PLAC1: variants seen among roughly 807,000 people sequenced by gnomAD.
The protein encoded by PLAC1 is placenta-specific protein 1.
For missense variants in PLAC1, 136 were observed against 163.2 expected (o/e 0.83, Z 0.91); for synonymous variants, 68 against 62.1 (o/e 1.09, Z -0.44).
intron 1 of PLAC1, among the ~76,000 whole-genome samples, chrX:134,649,041 G>T (rs2078348744): frequency 9.0e-6 from 1 of 111,318 alleles, no homozygotes; most frequent in South Asian, 3.8e-4. Context: ...GGCCAAGGTA[G>T]GTGGATCATG....
At chrX:134,753,807 A>G (rs1389627213) in intron 1 of PLAC1, among the ~76,000 whole-genome samples, 2 of 111,246 alleles carry the variant, frequency 1.8e-5, no homozygotes, top group Admixed American at 1.9e-4. Context: ...GTGTTGAATC[A>G]CACTCAGATC....
intron 1 of PLAC1, among the ~76,000 whole-genome samples, chrX:134,741,614 T>C (rs1177026225): frequency 3.7e-5 from 4 of 109,340 alleles, no homozygotes; most frequent in African/African-American, 1.3e-4. Context: ...CCCACCTTAT[T>C]TGGCAATTTT....
At chrX:134,616,016 A>G (rs1201939448) in intron 1 of PLAC1, among the ~76,000 whole-genome samples, 1 of 110,639 alleles carries the variant, frequency 9.0e-6, no homozygotes, top group African/African-American at 3.3e-5. Flanking sequence ...GGTCTTGCTC[A>G]TCACTCAGGC....
intron 1 of PLAC1, among the ~76,000 whole-genome samples, chrX:134,653,040 GTAA>G (rs2078371735): frequency 8.9e-6 from 1 of 112,527 alleles, no homozygotes; most frequent in South Asian, 3.7e-4. Context: ...CACAGTCATG[GTAA>G]TAATAGTGGT....
intron 2 of PLAC1, among the ~76,000 whole-genome samples, chrX:134,680,258 A>G (rs1346758270): frequency 8.9e-6 from 1 of 111,836 alleles, no homozygotes; most frequent in African/African-American, 3.3e-5. Context: ...TCCCTTTTAC[A>G]GATGAGGAAA....
At chrX:134,651,080 GA>G in intron 1 of PLAC1, 2 of 285,263 alleles carry the variant, frequency 7.0e-6, no homozygotes, top group Admixed American at 3.3e-5. Context: ...GTGAATTGGA[GA>G]AAAAGTTCAG....
intron 2 of PLAC1, among the ~76,000 whole-genome samples, chrX:134,671,614 A>C (rs1260214801): frequency 9.2e-6 from 1 of 108,714 alleles, no homozygotes; most frequent in African/African-American, 3.4e-5. Flanking sequence ...AGAGAGAGAG[A>C]GCAACAGGGA....
At chrX:134,755,375 G>A (rs949715123) in intron 1 of PLAC1, among the ~76,000 whole-genome samples, 3 of 112,497 alleles carry the variant, frequency 2.7e-5, no homozygotes, top group African/African-American at 6.5e-5. Flanking sequence ...TACTTTGTGC[G>A]TGGAGCTGGG....
chrX:134,727,928 GA>G (rs2078678953), intron 2 of PLAC1, among the ~76,000 whole-genome samples: 1 of 111,802 alleles, frequency 8.9e-6, no homozygotes, highest in Non-Finnish European at 1.9e-5. Flanking sequence ...TCAATAAACA[GA>G]AAATATAAAT....
At chrX:134,752,585 A>G (rs2078747340) in intron 1 of PLAC1, among the ~76,000 whole-genome samples, 1 of 111,803 alleles carries the variant, frequency 8.9e-6, no homozygotes, top group South Asian at 3.8e-4. Flanking sequence ...GAAAGCTAAG[A>G]AAGTGGGTAG....
intron 2 of PLAC1, among the ~76,000 whole-genome samples, chrX:134,673,683 T>C (rs988963592): frequency 9.0e-6 from 1 of 111,336 alleles, no homozygotes; most frequent in Non-Finnish European, 1.9e-5. Context: ...TGATAGTGAG[T>C]GTCAAACACT....
chrX:134,588,104 C>G (rs1324539748), intron 2 of PLAC1, among the ~76,000 whole-genome samples: 1 of 110,919 alleles, frequency 9.0e-6, no homozygotes, highest in Non-Finnish European at 1.9e-5. Flanking sequence ...GGTTTATATA[C>G]AAAGAGGATG....
intron 1 of PLAC1, among the ~76,000 whole-genome samples, chrX:134,741,186 A>G (rs960319491): frequency 7.1e-5 from 8 of 111,985 alleles, no homozygotes; most frequent in Middle Eastern, 4.6e-3. Flanking sequence ...CCGGTTTCCA[A>G]TTACCCACCA....
At chrX:134,746,659 C>T (rs1031110527) in intron 1 of PLAC1, among the ~76,000 whole-genome samples, 4 of 111,770 alleles carry the variant, frequency 3.6e-5, no homozygotes, top group African/African-American at 9.8e-5. Context: ...ATATCACAGT[C>T]ATTGGCAAAG....
At chrX:134,703,140 A>G (rs1196619675) in intron 2 of PLAC1, among the ~76,000 whole-genome samples, 1 of 111,952 alleles carries the variant, frequency 8.9e-6, no homozygotes, top group Non-Finnish European at 1.9e-5. Flanking sequence ...GAAACTGTAA[A>G]TTGAAAGCAA....
chrX:134,648,682 T>G (rs1199428505), intron 1 of PLAC1, among the ~76,000 whole-genome samples: 2 of 109,796 alleles, frequency 1.8e-5, no homozygotes, highest in Non-Finnish European at 3.8e-5. Context: ...CGAGACTCCA[T>G]CTAAAAAAAA....
chrX:134,674,955 G>A (rs1374818425), intron 2 of PLAC1, among the ~76,000 whole-genome samples: 2 of 112,427 alleles, frequency 1.8e-5, no homozygotes, highest in Non-Finnish European at 3.8e-5. Flanking sequence ...GAAAACACTC[G>A]TTCTTTATTC....
rs1001185493 is a variant in PLAC1 at position 134,721,556 on chromosome X, G to T, written n.174+11879C>A. Among the ~76,000 whole-genome samples, 6 of 99,077 alleles carry T rather than the reference G, an allele frequency of 6.1e-5. No homozygotes were observed. In the Admixed American group the frequency reaches 6.8e-4, roughly 11 times the overall value. 86.0% of individuals were successfully genotyped at this position (99,077 alleles called of 115,157 possible). ...TGCACTCCAGCCTTGGAAATAGAGT[G>T]AGAACTTGTCTCTTAAAAAAAAGAC... On this transcript the variant is annotated intron_variant and non_coding_transcript_variant, in intron 2 of 2. Coordinates refer to the PLAC1 transcript ENST00000466797.
At chrX:134,604,073 C>T (rs145435026) in intron 1 of PLAC1, among the ~76,000 whole-genome samples, 399 of 112,394 alleles carry the variant, frequency 3.6e-3, no homozygotes, top group African/African-American at 0.012. Flanking sequence ...CTCCTCATGG[C>T]TCTTTCTGTT....
Sources: gnomAD v4.1 joint callset for allele counts (sites outside exome capture counted in the v4.1 genomes callset) on GRCh38, gnomAD v4.1.1 for gene constraint, MANE v1.5 for transcripts, NCBI Gene and HGNC (gene_info 2026-07-23, HGNC 2026-07-21) for gene names.